LONP2: variants seen among roughly 807,000 people sequenced by gnomAD.
LONP2 encodes the protein lon peptidase 2, peroxisomal.
LONP2 carries 60 observed loss-of-function variants against 85.6 expected under a neutral mutation model. The observed-to-expected ratio is 0.70, with a 90% confidence interval of 0.57 to 0.87. The LOEUF (loss-of-function observed/expected upper bound fraction) is 0.87, where lower values mean the gene tolerates loss of function less well. LONP2 is among the 40% of genes least tolerant of loss of function. The pLI is 0.00. For synonymous variants in LONP2, 395 were observed against 389.7 expected (o/e 1.01, Z -0.16); for missense variants, 860 against 1,063.5 (o/e 0.81, Z 2.66).
At chr16:48,360,348 G>A (rs938501330), downstream of LONP2, among the ~76,000 whole-genome samples, 1 of 152,164 alleles carries the variant, frequency 6.6e-6, no homozygotes, top group African/African-American at 2.4e-5. Flanking sequence ...GGCAAGAGGG[G>A]CAGGGCATGG....
At chr16:48,337,217 T>C (rs1428398060) in intron 12 of LONP2, among the ~76,000 whole-genome samples, 1 of 152,242 alleles carries the variant, frequency 6.6e-6, no homozygotes, top group African/African-American at 2.4e-5. Context: ...TACAGTACCC[T>C]GTCAGGCCAA....
In LONP2 at chr16:48,244,604, C is replaced by A. The variant is rs1292080223; in HGVS notation, c.216C>A (p.Asp72Glu). 3 of 1,479,940 alleles carry A rather than the reference C, an allele frequency of 2.0e-6. No homozygotes were observed. Among genetic ancestry groups the A allele is most frequent in the Non-Finnish European group, 2.7e-6 (3 of 1,118,420 alleles). The allele number at this position is 1,479,940 out of a possible 1,614,324, so 91.7% of individuals were successfully genotyped here. The change falls in exon 1 of 15, where the codon GAC becomes GAA. Residue 72 changes from aspartate (D) to glutamate (E), a missense_variant. Transcript: ENST00000285737. ...CTGACCCCGCCAGCGACGCGCAGGA[C>A]CTGCCGCCGCTGCACAGGTAGGCCT... Reference protein sequence around the residue: ...NTPDPASDAQDLPPLHRIGTA... With the variant: ...NTPDPASDAQELPPLHRIGTA...
Position 48,258,760 on chromosome 16 carries a change from C to T in LONP2, c.723+20C>T. On this transcript the variant is annotated intron_variant, in intron 4 of 14. Coordinates refer to ENST00000285737, the MANE Select transcript of LONP2 (RefSeq NM_031490.5). The stretch of plus-strand genomic sequence containing the variant: ...AAGAGGGTAAATATTTATTTTAACC[C>T]ATTTCAGTTTTGAAAAAAAAATAAG... 1.3e-6 allele frequency: 2 copies of T among 1,571,258 alleles called. No individual in the cohort carries two copies. Among genetic ancestry groups the T allele is most frequent in the Non-Finnish European group, 1.7e-6 (2 of 1,163,718 alleles).
rs1972234196 is a variant in LONP2 at position 48,277,409 on chromosome 16, T to C, written c.1313T>C (p.Val438Ala). 1 of 1,613,698 alleles carries C rather than the reference T, an allele frequency of 6.2e-7. No homozygotes were observed. The highest frequency in any genetic ancestry group is 1.3e-5 in the African/African-American group (1 of 74,864). The change falls in exon 8 of 15, where the codon GTG becomes GCG. Residue 438 changes from valine to alanine, a missense_variant. Physicochemically the swap from Val to Ala is moderately conservative, Grantham distance 64. Transcript: ENST00000285737. ...GLKTVGVNNP[V>A]FLLDEVDKLG... ...AAGACTGTGGGAGTGAACAACCCAG[T>C]GTTCCTATTAGATGAGGTTGACAAA... is the stretch of plus-strand genomic sequence containing the variant.
At chr16:48,321,803 A>G (rs867912700) in intron 11 of LONP2, among the ~76,000 whole-genome samples, 2 of 152,334 alleles carry the variant, frequency 1.3e-5, no homozygotes, top group Middle Eastern at 3.4e-3. Flanking sequence ...CTTACCATGA[A>G]TGGAGTTGCA....
At chr16:48,282,962 C>T (rs1044629607) in intron 8 of LONP2, among the ~76,000 whole-genome samples, 3 of 152,198 alleles carry the variant, frequency 2.0e-5, no homozygotes, top group African/African-American at 7.2e-5. Context: ...TTCCAGTGAA[C>T]ACACCAATGA....
chr16:48,347,730 C>A lies in LONP2; in HGVS notation c.2146+16C>A, dbSNP rs147541309. ...CTGACCAATGGTAGGAGCCTGCACC[C>A]GGCCAGGCAGGCGTGACCCAGGAGG... On this transcript the variant is annotated intron_variant, in intron 13 of 14. Coordinates refer to ENST00000285737, the MANE Select transcript of LONP2 (RefSeq NM_031490.5). 21 of 1,606,076 alleles carry A rather than the reference C, an allele frequency of 1.3e-5. No homozygotes were observed. Among genetic ancestry groups the A allele is most frequent in the Non-Finnish European group, 8.5e-7 (1 of 1,176,970 alleles).
chr16:48,279,510 A>C (rs769002457), intron 8 of LONP2, among the ~76,000 whole-genome samples: 1 of 152,154 alleles, frequency 6.6e-6, no homozygotes, highest in Non-Finnish European at 1.5e-5. Flanking sequence ...CGGGGGTATC[A>C]CTGCATTCAG....
chr16:48,281,401 A>C (rs1596941872), intron 8 of LONP2, among the ~76,000 whole-genome samples: 1 of 152,218 alleles, frequency 6.6e-6, no homozygotes, highest in Non-Finnish European at 1.5e-5. Context: ...GACTATAAAA[A>C]TAGGTCCAAC....
chr16:48,267,976 C>T (rs928911928), intron 6 of LONP2, among the ~76,000 whole-genome samples: 6 of 151,818 alleles, frequency 4.0e-5, no homozygotes, highest in South Asian at 2.1e-4. Context: ...AGATAGTAAC[C>T]GAAAACAAAA....
intron 12 of LONP2, chr16:48,345,375 T>TCA: frequency 6.6e-6 from 1 of 152,368 alleles, no homozygotes; most frequent in Admixed American, 6.5e-5. Context: ...CTTTTTGTGT[T>TCA]AAACACGATT....
At chr16:48,261,381 T>A in intron 4 of LONP2, 43 bp from the exon 5 acceptor site, 2 of 1,471,504 alleles carry the variant, frequency 1.4e-6, no homozygotes, top group Non-Finnish European at 9.2e-7. Flanking sequence ...TCGTTTCCAA[T>A]TTATTTTGAC....
intron 7 of LONP2, among the ~76,000 whole-genome samples, chr16:48,272,585 A>G (rs1160177913): frequency 6.6e-6 from 1 of 152,170 alleles, no homozygotes; most frequent in Non-Finnish European, 1.5e-5. Context: ...ATTGCCTAAA[A>G]TATTTGTAAA....
At chr16:48,293,985 G>A (rs1972614546) in intron 8 of LONP2, among the ~76,000 whole-genome samples, 1 of 152,228 alleles carries the variant, frequency 6.6e-6, no homozygotes, top group African/African-American at 2.4e-5. Flanking sequence ...CGCCCACGCT[G>A]GAGTGCAGTG....
Position 48,333,817 on chromosome 16 carries a change from A to G in LONP2, c.1796-399A>G, listed in dbSNP as rs1337479237. The stretch of plus-strand genomic sequence containing the variant: ...GAGAATTGTTAGATCAGAGAATCCA[A>G]AGTAACCTACTGCGCTTAGCCCTTC... On this transcript the variant is annotated intron_variant, in intron 11 of 14. Transcript: ENST00000285737. Among the ~76,000 whole-genome samples the G allele has an allele frequency of 3.9e-5, 6 of 152,204 alleles. No homozygotes were observed. In the East Asian group the frequency reaches 7.7e-4, roughly 20 times the overall value.
At chr16:48,348,360 T>TA (rs1293177483) in intron 14 of LONP2, 70 bp downstream of exon 14, 2 of 1,033,164 alleles carry the variant, frequency 1.9e-6, no homozygotes, top group South Asian at 3.5e-5. Flanking sequence ...TATTTTTAAA[T>TA]ACGGGTTTGC....
intron 11 of LONP2, among the ~76,000 whole-genome samples, chr16:48,328,937 G>C (rs989283437): frequency 6.6e-6 from 1 of 152,092 alleles, no homozygotes; most frequent in African/African-American, 2.4e-5. Context: ...TCTCCCAGCA[G>C]CTCTCTGAGA....
At chr16:48,319,516 AAT>A (rs1453819944) in intron 11 of LONP2, among the ~76,000 whole-genome samples, 3 of 152,292 alleles carry the variant, frequency 2.0e-5, no homozygotes, top group African/African-American at 7.2e-5. Flanking sequence ...ATATAAAATT[AAT>A]ATAGTTTTAT....
chr16:48,306,009 A>G (rs182982003), intron 11 of LONP2, among the ~76,000 whole-genome samples: 98 of 152,052 alleles, frequency 6.4e-4, no homozygotes, highest in Non-Finnish European at 1.0e-3. Flanking sequence ...TGTAGATGAC[A>G]GTGACAGTGG....
Sources: gnomAD v4.1 joint callset for allele counts (sites outside exome capture counted in the v4.1 genomes callset) on GRCh38, gnomAD v4.1.1 for gene constraint, MANE v1.5 for transcripts, NCBI Gene and HGNC (gene_info 2026-07-23, HGNC 2026-07-21) for gene names.